The following FGFR1OP2 variants were observed in gnomAD, a reference collection of about 807,000 sequenced individuals.
FGFR1OP2 encodes fibroblast growth factor receptor 1 oncogene partner 2.
Under a neutral mutation model 35.2 loss-of-function variants are expected in FGFR1OP2, and 17 were observed. The observed-to-expected ratio is 0.48, with a 90% CI of 0.33 to 0.73. The LOEUF (loss-of-function observed/expected upper bound fraction) is 0.73, where lower values mean the gene tolerates loss of function less well. Ranked by LOEUF, FGFR1OP2 falls within the 30% of genes least tolerant of loss-of-function variation. The probability of loss-of-function intolerance (pLI) is 0.02; values close to 1 mark genes in which losing one functional copy is unlikely to be tolerated. For missense variants in FGFR1OP2, 251 were observed against 307.3 expected (o/e 0.82, Z 1.37); for synonymous variants, 105 against 104.6 (o/e 1.00, Z -0.03).
chr12:26,960,178 C>A (rs1174842974), intron 4 of FGFR1OP2, among the ~76,000 whole-genome samples: 1 of 151,958 alleles, frequency 6.6e-6, no homozygotes, highest in African/African-American at 2.4e-5. Flanking sequence ...TGCCTAAACA[C>A]AAAAGTAATT....
At chr12:26,960,460 G>T (rs758628718) in intron 4 of FGFR1OP2, 55 bp from the exon 5 acceptor site, 2 of 1,331,290 alleles carry the variant, frequency 1.5e-6, no homozygotes, top group Non-Finnish European at 2.1e-6. Context: ...CACTCATTCA[G>T]TTTTTAAATT....
At chr12:26,942,442 C>A (rs1286053126) in intron 1 of FGFR1OP2, among the ~76,000 whole-genome samples, 1 of 152,216 alleles carries the variant, frequency 6.6e-6, no homozygotes, top group Non-Finnish European at 1.5e-5. Flanking sequence ...CAGAAAGCTA[C>A]CAACAGTTTG....
In FGFR1OP2 at chr12:26,965,310, A is replaced by G. The variant is rs888980433; in HGVS notation, c.*577A>G. 5.9e-5 allele frequency: 9 copies of G among 152,746 alleles called. No homozygotes were observed. Among genetic ancestry groups the G allele is most frequent in the East Asian group, 3.8e-4 (2 of 5,196 alleles). 9.5% of individuals were successfully genotyped at this position (152,746 alleles called of 1,614,324 possible). On this transcript the variant is annotated 3_prime_UTR_variant, in exon 7 of 7. Transcript: ENST00000229395. ...GATAATTTAATTTTAGCAATTTATC[A>G]TAACTGATACTTAGCTAACAATTGT...
intron 1 of FGFR1OP2, among the ~76,000 whole-genome samples, chr12:26,942,095 C>A (rs150568354): frequency 4.6e-5 from 7 of 152,166 alleles, no homozygotes; most frequent in Admixed American, 4.6e-4. Context: ...TGCAATGGTG[C>A]GATCTCGGCT....
intron 1 of FGFR1OP2, among the ~76,000 whole-genome samples, chr12:26,946,762 T>C (rs1420773338): frequency 6.6e-6 from 1 of 152,212 alleles, no homozygotes; most frequent in Non-Finnish European, 1.5e-5. Flanking sequence ...ATCAACAAAA[T>C]TGATTTTAGA....
intron 1 of FGFR1OP2, among the ~76,000 whole-genome samples, chr12:26,941,022 C>T (rs969813769): frequency 2.0e-5 from 3 of 151,848 alleles, no homozygotes; most frequent in Non-Finnish European, 2.9e-5. Context: ...TCTAAGCCTT[C>T]TGCCAGGAGT....
At chr12:26,954,374 A>AT in intron 2 of FGFR1OP2, 81 bp downstream of exon 2, 3 of 1,449,708 alleles carry the variant, frequency 2.1e-6, no homozygotes, top group Non-Finnish European at 2.8e-6. Flanking sequence ...TTAGTATCTA[A>AT]TTTTTTTCAA....
At position 26,963,425 on chromosome 12, in the gene FGFR1OP2, C is replaced by T. The variant is rs761958046; in HGVS notation, c.594C>T (p.Cys198=). The T allele has an allele frequency of 1.2e-6, 2 of 1,605,450 alleles. No homozygotes were observed. Among genetic ancestry groups the T allele is most frequent in the Non-Finnish European group, 1.7e-6 (2 of 1,174,914 alleles). The change falls in exon 6 of 7, where the codon TGC becomes TGT. Residue 198 remains cysteine, a synonymous_variant. Transcript: ENST00000229395. ...TTGAAATTGACGAGCAACAGGGTTG[C>T]AAGGAACAAGAACGAATATTTCAAC... The part of the protein sequence containing the change: ...KAIEIDEQQG[C]KEQERIFQLE...
At chr12:26,955,549 G>T (rs1004545501) in intron 2 of FGFR1OP2, among the ~76,000 whole-genome samples, 1 of 152,080 alleles carries the variant, frequency 6.6e-6, no homozygotes, top group African/African-American at 2.4e-5. Flanking sequence ...GCCTATTCTG[G>T]ACATTTCATA....
intron 4 of FGFR1OP2, among the ~76,000 whole-genome samples, chr12:26,958,545 A>G (rs539190901): frequency 6.6e-6 from 1 of 152,366 alleles, no homozygotes; most frequent in African/African-American, 2.4e-5. Flanking sequence ...CTTGTTTATT[A>G]TAATGGAAAA....
intron 4 of FGFR1OP2, 138 bp downstream of exon 4, chr12:26,957,881 T>C: frequency 1.6e-6 from 1 of 639,176 alleles, no homozygotes; most frequent in South Asian, 4.0e-5. Flanking sequence ...ATCTTTTTAA[T>C]TGACATTTTC....
At chr12:26,956,259 T>A (rs930095649) in intron 2 of FGFR1OP2, among the ~76,000 whole-genome samples, 1 of 152,046 alleles carries the variant, frequency 6.6e-6, no homozygotes, top group African/African-American at 2.4e-5. Flanking sequence ...AATTGCATTC[T>A]CCTAATGACT....
chr12:26,954,334 A>T (rs750400178), intron 2 of FGFR1OP2, 41 bp downstream of exon 2: 5 of 1,552,576 alleles, frequency 3.2e-6, no homozygotes, highest in Non-Finnish European at 4.4e-6. Flanking sequence ...TATCAAAAGC[A>T]GTCATTGACA....
chr12:26,946,265 T>A (rs1565847233), intron 1 of FGFR1OP2, among the ~76,000 whole-genome samples: 1 of 152,206 alleles, frequency 6.6e-6, no homozygotes, highest in Non-Finnish European at 1.5e-5. Flanking sequence ...TCATGTAATG[T>A]TCCTCTGTCC....
chr12:26,958,727 C>CCATATTTTATGG (rs1164349078), intron 4 of FGFR1OP2, among the ~76,000 whole-genome samples: 3 of 152,078 alleles, frequency 2.0e-5, no homozygotes, highest in Non-Finnish European at 4.4e-5. Context: ...TGGTATGTCC[C>CCATATTTTATGG]CATATTTTAT....
chr12:26,939,769 C>G (rs1938691708), intron 1 of FGFR1OP2, among the ~76,000 whole-genome samples: 2 of 152,150 alleles, frequency 1.3e-5, no homozygotes, highest in Admixed American at 6.5e-5. Flanking sequence ...TCTTACTCAT[C>G]TCTGAGAAAA....
intron 1 of FGFR1OP2, among the ~76,000 whole-genome samples, chr12:26,946,085 T>G (rs1164584697): frequency 6.6e-6 from 1 of 152,194 alleles, no homozygotes; most frequent in African/African-American, 2.4e-5. Context: ...GTGTACAAAG[T>G]CTGCCAGTTA....
chr12:26,941,668 A>T (rs1938736358), intron 1 of FGFR1OP2, among the ~76,000 whole-genome samples: 1 of 152,198 alleles, frequency 6.6e-6, no homozygotes, highest in Non-Finnish European at 1.5e-5. Flanking sequence ...ACATTCATTG[A>T]TCTTGTAATT....
At chr12:26,950,743 A>G (rs370084272) in intron 1 of FGFR1OP2, among the ~76,000 whole-genome samples, 2 of 152,356 alleles carry the variant, frequency 1.3e-5, no homozygotes, top group African/African-American at 4.8e-5. Flanking sequence ...GTTGCATATC[A>G]AGCCTGATAC....
Sources: gnomAD v4.1 joint callset for allele counts (sites outside exome capture counted in the v4.1 genomes callset) on GRCh38, gnomAD v4.1.1 for gene constraint, MANE v1.5 for transcripts, NCBI Gene and HGNC (gene_info 2026-07-23, HGNC 2026-07-21) for gene names.